The following FOXP2 variants were observed in gnomAD, a reference collection of about 807,000 sequenced individuals.
The protein encoded by FOXP2 is forkhead box P2.
Under a neutral mutation model 115.8 loss-of-function variants are expected in FOXP2, and 12 were observed. That is an observed-to-expected ratio of 0.10 (90% CI 0.07 to 0.17). FOXP2 has a LOEUF of 0.17. FOXP2 is among the 10% of genes least tolerant of loss of function. FOXP2 has a pLI of 1.00. For synonymous variants in FOXP2, 328 were observed against 297.7 expected (o/e 1.10, Z -1.05); for missense variants, 629 against 843.5 (o/e 0.75, Z 3.15).
chr7:114,560,231 T>A (rs1449641460), intron 3 of FOXP2, among the ~76,000 whole-genome samples: 1 of 152,232 alleles, frequency 6.6e-6, no homozygotes, highest in East Asian at 1.9e-4. Context: ...TTGCCGTTTT[T>A]ACATATTAAG....
chr7:114,348,242 A>G (rs1791394739), intron 2 of FOXP2, among the ~76,000 whole-genome samples: 1 of 152,096 alleles, frequency 6.6e-6, no homozygotes, highest in Non-Finnish European at 1.5e-5. Context: ...TTAGATCCCA[A>G]TTACAGAAAT....
intron 2 of FOXP2, among the ~76,000 whole-genome samples, chr7:114,509,934 AG>A (rs1459253811): frequency 6.6e-6 from 1 of 152,048 alleles, no homozygotes; most frequent in Non-Finnish European, 1.5e-5. Context: ...AGAAAAAAAA[AG>A]GTGCTCACAA....
At chr7:114,676,755 A>G (rs758922406) in intron 16 of FOXP2, among the ~76,000 whole-genome samples, 2 of 152,232 alleles carry the variant, frequency 1.3e-5, no homozygotes, top group Non-Finnish European at 2.9e-5. Context: ...GAATTATAAT[A>G]AGAAAAGATG....
intron 2 of FOXP2, among the ~76,000 whole-genome samples, chr7:114,374,657 T>C (rs1792096660): frequency 6.6e-6 from 1 of 152,240 alleles, no homozygotes; most frequent in Non-Finnish European, 1.5e-5. Context: ...TACTTTGACT[T>C]ATAATCATTT....
chr7:114,511,372 T>C (rs1798064987), intron 2 of FOXP2, among the ~76,000 whole-genome samples: 1 of 151,788 alleles, frequency 6.6e-6, no homozygotes, highest in South Asian at 2.1e-4. Context: ...AAACAAAAAG[T>C]ATCTACTGAC....
intron 1 of FOXP2, among the ~76,000 whole-genome samples, chr7:114,263,292 G>A (rs568216938): frequency 6.6e-6 from 1 of 150,436 alleles, no homozygotes; most frequent in African/African-American, 2.4e-5. Flanking sequence ...CTTGAAATCT[G>A]GTCAATCATA....
At chr7:114,267,272 G>C (rs80045989) in intron 1 of FOXP2, among the ~76,000 whole-genome samples, 12,964 of 151,886 alleles carry the variant, frequency 0.085, 1,390 homozygotes, top group African/African-American at 0.25. Context: ...ACCTTTCCTA[G>C]AAAAAGCTTA....
intron 9 of FOXP2, chr7:114,653,397 C>G: frequency 2.5e-4 from 40 of 162,376 alleles, no homozygotes; most frequent in South Asian, 1.8e-3. Flanking sequence ...ATGCCGACTC[C>G]GTGGCAGAGT....
intron 1 of FOXP2, among the ~76,000 whole-genome samples, chr7:114,138,499 C>G (rs1202301023): frequency 2.0e-5 from 3 of 150,606 alleles, no homozygotes. Flanking sequence ...TCACATGATT[C>G]TCCTGCCTCA....
intron 1 of FOXP2, among the ~76,000 whole-genome samples, chr7:114,240,447 GCCTTTT>G (rs1795123230): frequency 6.6e-6 from 1 of 151,970 alleles, no homozygotes; most frequent in South Asian, 2.1e-4. Flanking sequence ...ACTATTGAAT[GCCTTTT>G]CCATGATAAT....
intron 2 of FOXP2, among the ~76,000 whole-genome samples, chr7:114,473,551 C>T (rs906195910): frequency 2.0e-5 from 3 of 152,144 alleles, no homozygotes; most frequent in African/African-American, 7.2e-5. Flanking sequence ...GGCCCATAAC[C>T]TTAAAAAGCT....
intron 1 of FOXP2, among the ~76,000 whole-genome samples, chr7:114,154,806 T>C (rs1792619674): frequency 6.6e-6 from 1 of 152,154 alleles, no homozygotes; most frequent in African/African-American, 2.4e-5. Flanking sequence ...TTTAGGACAG[T>C]TATCCTGAGG....
At chr7:114,682,198 C>G (rs1035188456) in intron 16 of FOXP2, among the ~76,000 whole-genome samples, 2 of 152,078 alleles carry the variant, frequency 1.3e-5, no homozygotes, top group African/African-American at 4.8e-5. Flanking sequence ...AGTAAAGGAG[C>G]CAGGCTTCAA....
chr7:114,693,536 A>T lies in FOXP2; in HGVS notation c.*3610A>T. 2.2e-6 allele frequency: 1 copy of T among 453,334 alleles called. No homozygotes were observed. Among genetic ancestry groups the T allele is most frequent in the Non-Finnish European group, 4.4e-6 (1 of 226,410 alleles). 28.1% of individuals were successfully genotyped at this position (453,334 alleles called of 1,614,324 possible). A position where few individuals can be genotyped will look rare whatever the true frequency, so the allele number is the denominator to read the frequency against. On this transcript the variant is annotated 3_prime_UTR_variant, in exon 17 of 17. Transcript: ENST00000350908. ...AGTCTATAAAGCTATTGAAAGGAAC[A>T]TGGCTTACCCTTGTTATTTCACTAG...
chr7:114,443,187 A>G (rs1197796350), intron 2 of FOXP2, among the ~76,000 whole-genome samples: 1 of 152,224 alleles, frequency 6.6e-6, no homozygotes, highest in African/African-American at 2.4e-5. Flanking sequence ...AACACTCAGT[A>G]TATAACATAT....
At chr7:114,087,302 C>A (rs984736656), upstream of FOXP2, among the ~76,000 whole-genome samples, 1 of 152,178 alleles carries the variant, frequency 6.6e-6, no homozygotes, top group Non-Finnish European at 1.5e-5. Flanking sequence ...TCGGGATAAC[C>A]GTGCACAGGG....
chr7:114,533,422 A>T (rs1216547339), intron 2 of FOXP2, among the ~76,000 whole-genome samples: 1 of 151,852 alleles, frequency 6.6e-6, no homozygotes, highest in Non-Finnish European at 1.5e-5. Context: ...AACATTGTTC[A>T]CACCAGCTGG....
chr7:114,446,236 T>A (rs1281019757), intron 2 of FOXP2, among the ~76,000 whole-genome samples: 2 of 152,090 alleles, frequency 1.3e-5, no homozygotes, highest in African/African-American at 4.8e-5. Flanking sequence ...AGTTTAGGAA[T>A]GTCGTTATAT....
intron 1 of FOXP2, among the ~76,000 whole-genome samples, chr7:114,110,136 G>C (rs1475475263): frequency 1.3e-5 from 2 of 152,132 alleles, no homozygotes; most frequent in African/African-American, 4.8e-5. Context: ...CAGAAGGGCT[G>C]TTTTGACTTC....
Sources: gnomAD v4.1 joint callset for allele counts (sites outside exome capture counted in the v4.1 genomes callset) on GRCh38, gnomAD v4.1.1 for gene constraint, MANE v1.5 for transcripts, NCBI Gene and HGNC (gene_info 2026-07-23, HGNC 2026-07-21) for gene names.